Variants in TENM2 observed in about 807,000 individuals in gnomAD.
The protein encoded by TENM2 is teneurin-2.
Under a neutral mutation model 245.2 loss-of-function variants are expected in TENM2, and 52 were observed. That is an observed-to-expected ratio of 0.21 (90% CI 0.17 to 0.27). The LOEUF is 0.27. TENM2 is among the 10% of genes least tolerant of loss of function. The probability of loss-of-function intolerance (pLI) is 1.00; values close to 1 mark genes in which losing one functional copy is unlikely to be tolerated. For missense variants in TENM2, 3,046 were observed against 3,666.8 expected (o/e 0.83, Z 4.37); for synonymous variants, 1,363 against 1,438.9 (o/e 0.95, Z 1.19).
the TENM2 span, among the ~76,000 whole-genome samples, chr5:167,108,876 A>G: frequency 2.0e-3 from 300 of 152,332 alleles, 4 homozygotes; most frequent in East Asian, 0.051. Context: ...GAAAAAATTT[A>G]AAGTCAGTCT....
chr5:167,562,195 T>G (rs1004853513), intron 2 of TENM2, among the ~76,000 whole-genome samples: 9 of 152,206 alleles, frequency 5.9e-5, no homozygotes, highest in African/African-American at 2.2e-4. Flanking sequence ...GTCTCCTGCA[T>G]GCTTTGCTTT....
chr5:166,996,148 C>T, the TENM2 span, among the ~76,000 whole-genome samples: 1 of 152,020 alleles, frequency 6.6e-6, no homozygotes, highest in Admixed American at 6.5e-5. Flanking sequence ...TCAAGACCAT[C>T]CTGGCTAACA....
chr5:167,539,979 G>A (rs967020437), intron 2 of TENM2, among the ~76,000 whole-genome samples: 1 of 152,156 alleles, frequency 6.6e-6, no homozygotes, highest in Non-Finnish European at 1.5e-5. Context: ...TCGCTCATGG[G>A]AGTTGTTGAG....
chr5:167,477,676 G>A (rs556611623), intron 2 of TENM2, among the ~76,000 whole-genome samples: 12 of 152,288 alleles, frequency 7.9e-5, no homozygotes, highest in South Asian at 6.2e-4. Flanking sequence ...TGTCAAAAGT[G>A]TTGATTGGTG....
rs549299820 is a variant in TENM2 at position 167,987,417 on chromosome 5, T to A, written c.948-5527T>A. On this transcript the variant is annotated intron_variant, in intron 4 of 28. Transcript: ENST00000518659. ...GTCTCAGCTCACTGCAACCTCTGCC[T>A]CCTGGGTTCAAGTGATTCTCCTGCC... Among the ~76,000 whole-genome samples the A allele has an allele frequency of 2.2e-3, 340 of 151,960 alleles. 1 individual carries two copies. The highest frequency in any genetic ancestry group is 7.9e-3 in the African/African-American group (326 of 41,430).
chr5:167,279,874 A>G (rs1770951093), upstream of TENM2, among the ~76,000 whole-genome samples: 1 of 152,164 alleles, frequency 6.6e-6, no homozygotes. Flanking sequence ...TAATGCTGAC[A>G]TCTTTGTCAT....
At chr5:167,628,834 T>C (rs1012106624) in intron 2 of TENM2, among the ~76,000 whole-genome samples, 2 of 152,208 alleles carry the variant, frequency 1.3e-5, no homozygotes, top group Admixed American at 6.5e-5. Context: ...TTGCTAATAT[T>C]CTGCAGTTGA....
At chr5:168,077,998 G>A (rs1187611416) in intron 7 of TENM2, among the ~76,000 whole-genome samples, 1 of 152,172 alleles carries the variant, frequency 6.6e-6, no homozygotes, top group East Asian at 1.9e-4. Context: ...TTGAGGAATT[G>A]CCACACTGTC....
At chr5:167,724,879 A>G (rs752887850) in intron 2 of TENM2, among the ~76,000 whole-genome samples, 3 of 152,204 alleles carry the variant, frequency 2.0e-5, no homozygotes, top group Non-Finnish European at 2.9e-5. Flanking sequence ...GCTCAGAGAC[A>G]TAAGCACAGG....
intron 12 of TENM2, among the ~76,000 whole-genome samples, chr5:168,154,146 T>TCAAAAAAAAAAAAAAAA (rs1562223601): frequency 1.3e-5 from 1 of 75,752 alleles, no homozygotes; most frequent in Non-Finnish European, 2.4e-5. Context: ...ATCACCTACT[T>TCAAAAAAAAAAAAAAAA]TAAAAAAAAA....
chr5:167,700,049 G>C (rs1245750841), intron 2 of TENM2, among the ~76,000 whole-genome samples: 1 of 152,108 alleles, frequency 6.6e-6, no homozygotes, highest in Non-Finnish European at 1.5e-5. Context: ...AGGACATCTT[G>C]AGTTCTTCAG....
intron 7 of TENM2, among the ~76,000 whole-genome samples, chr5:168,066,630 A>G (rs773484745): frequency 2.0e-5 from 3 of 152,180 alleles, no homozygotes; most frequent in Non-Finnish European, 4.4e-5. Context: ...AAAGGTAGGT[A>G]TTATATATTG....
At chr5:167,880,510 G>A (rs990694657) in intron 3 of TENM2, among the ~76,000 whole-genome samples, 1 of 149,450 alleles carries the variant, frequency 6.7e-6, no homozygotes, top group South Asian at 2.2e-4. Flanking sequence ...GGGAAACATA[G>A]GGAAAAGAAG....
intron 2 of TENM2, among the ~76,000 whole-genome samples, chr5:167,871,859 G>A (rs1772855833): frequency 6.6e-6 from 1 of 152,164 alleles, no homozygotes; most frequent in African/African-American, 2.4e-5. Context: ...TTTATAAAGT[G>A]AGCCTGTAGA....
At chr5:168,016,161 C>T (rs772591696) in intron 5 of TENM2, among the ~76,000 whole-genome samples, 38 of 152,320 alleles carry the variant, frequency 2.5e-4, no homozygotes, top group Non-Finnish European at 1.0e-4. Context: ...CTCACAACAA[C>T]CCTATGGGAT....
intron 2 of TENM2, among the ~76,000 whole-genome samples, chr5:167,512,908 C>T (rs924193765): frequency 6.6e-6 from 1 of 152,038 alleles, no homozygotes; most frequent in Non-Finnish European, 1.5e-5. Flanking sequence ...TAAGAGCAAT[C>T]GCAGAGTACT....
At chr5:167,152,453 G>T in the TENM2 span, among the ~76,000 whole-genome samples, 1 of 152,074 alleles carries the variant, frequency 6.6e-6, no homozygotes, top group Non-Finnish European at 1.5e-5. Flanking sequence ...TCAACATTCG[G>T]TTTTATGGGT....
chr5:167,952,566 T>A (rs1780194917), intron 3 of TENM2, 22 bp from the exon 6 acceptor site: 2 of 1,578,034 alleles, frequency 1.3e-6, no homozygotes, highest in Non-Finnish European at 1.7e-6. Flanking sequence ...ACGCTAACAG[T>A]CATTTCTCCT....
intron 13 of TENM2, among the ~76,000 whole-genome samples, chr5:168,175,794 G>A (rs995777002): frequency 6.6e-6 from 1 of 152,202 alleles, no homozygotes; most frequent in Non-Finnish European, 1.5e-5. Flanking sequence ...AGTCCCCGGA[G>A]CAAGCTTCTC....
Sources: allele counts gnomAD v4.1 joint callset (sites outside exome capture counted in the v4.1 genomes callset), GRCh38; gene constraint gnomAD v4.1.1; transcripts MANE v1.5; gene names NCBI Gene and HGNC (gene_info 2026-07-23, HGNC 2026-07-21).